The following GRIK2 variants were observed in gnomAD, a reference collection of about 807,000 sequenced individuals.
GRIK2 encodes glutamate ionotropic receptor kainate type subunit 2.
Under a neutral mutation model 100.3 loss-of-function variants are expected in GRIK2, and 32 were observed. The ratio of observed to expected loss-of-function variants is 0.32; its 90% CI spans 0.24 to 0.43. GRIK2 has a LOEUF of 0.43. GRIK2 is among the 20% of genes least tolerant of loss of function. The probability of loss-of-function intolerance (pLI) is 1.00; values close to 1 mark genes in which losing one functional copy is unlikely to be tolerated. For missense variants in GRIK2, 843 were observed against 1,114.9 expected, an observed-to-expected ratio of 0.76 and a Z score of 3.47; for synonymous variants, 417 against 389.4, an observed-to-expected ratio of 1.07 and a Z score of -0.83.
intron 10 of GRIK2, among the ~76,000 whole-genome samples, chr6:101,834,175 A>G (rs1328802522): frequency 6.6e-6 from 1 of 152,044 alleles, no homozygotes; most frequent in East Asian, 1.9e-4. Flanking sequence ...AAATTTTATA[A>G]TCTCAATTTA....
chr6:101,807,241 G>A (rs1781061392), intron 9 of GRIK2, among the ~76,000 whole-genome samples: 1 of 151,800 alleles, frequency 6.6e-6, no homozygotes, highest in Admixed American at 6.6e-5. Flanking sequence ...GTTTCAAGTG[G>A]GTAAAGGATT....
chr6:102,043,570 G>T (rs1770713873), intron 15 of GRIK2, among the ~76,000 whole-genome samples: 1 of 151,848 alleles, frequency 6.6e-6, no homozygotes, highest in South Asian at 2.1e-4. Flanking sequence ...CATCTAGGTT[G>T]TCGCAAATGA....
chr6:101,983,866 G>A (rs1793863095), intron 14 of GRIK2, among the ~76,000 whole-genome samples: 1 of 151,416 alleles, frequency 6.6e-6, no homozygotes, highest in African/African-American at 2.4e-5. Context: ...TTCATACACT[G>A]GTCTTTACTT....
chr6:101,498,544 T>G (rs1773573749), intron 2 of GRIK2, among the ~76,000 whole-genome samples: 1 of 150,136 alleles, frequency 6.7e-6, no homozygotes, highest in South Asian at 2.2e-4. Context: ...TTCCTGACTT[T>G]TGAATGCTTG....
intron 9 of GRIK2, among the ~76,000 whole-genome samples, chr6:101,806,318 A>G (rs1243217300): frequency 6.6e-6 from 1 of 152,050 alleles, no homozygotes; most frequent in Non-Finnish European, 1.5e-5. Flanking sequence ...AGTGTATTCT[A>G]CTTTCAAAAT....
chr6:101,781,963 G>A (rs574159922), intron 7 of GRIK2, among the ~76,000 whole-genome samples: 2 of 152,032 alleles, frequency 1.3e-5, no homozygotes, highest in African/African-American at 2.4e-5. Flanking sequence ...CCAACTTCTC[G>A]TTCCATCTTC....
intron 9 of GRIK2, among the ~76,000 whole-genome samples, chr6:101,804,988 C>G (rs1780899770): frequency 6.6e-6 from 1 of 151,876 alleles, no homozygotes; most frequent in African/African-American, 2.4e-5. Context: ...TATTTTGGCT[C>G]AAATTCTCAC....
intron 7 of GRIK2, among the ~76,000 whole-genome samples, chr6:101,750,816 A>T (rs1776740444): frequency 6.6e-6 from 1 of 152,180 alleles, no homozygotes; most frequent in African/African-American, 2.4e-5. Flanking sequence ...GAGGAATAAT[A>T]GACTTTCCAT....
At chr6:101,540,685 G>T (rs1775943461) in intron 2 of GRIK2, among the ~76,000 whole-genome samples, 3 of 151,984 alleles carry the variant, frequency 2.0e-5, no homozygotes, top group Non-Finnish European at 4.4e-5. Flanking sequence ...TATTCAAGCA[G>T]TTCTAGTTAT....
At chr6:101,411,792 T>C (rs182611573) in intron 2 of GRIK2, among the ~76,000 whole-genome samples, 7 of 152,204 alleles carry the variant, frequency 4.6e-5, no homozygotes, top group Admixed American at 2.0e-4. Context: ...AGAATATTTA[T>C]ATCCACACAA....
intron 2 of GRIK2, among the ~76,000 whole-genome samples, chr6:101,507,329 A>T (rs925422789): frequency 3.9e-5 from 6 of 152,128 alleles, no homozygotes; most frequent in Admixed American, 3.9e-4. Context: ...TAGTTTGGGT[A>T]TTGCCTTAGA....
chr6:101,709,052 C>G (rs576059971), intron 7 of GRIK2, among the ~76,000 whole-genome samples: 1 of 151,550 alleles, frequency 6.6e-6, no homozygotes, highest in Admixed American at 6.6e-5. Flanking sequence ...TAAATATTAA[C>G]GATAATTTAA....
intron 9 of GRIK2, among the ~76,000 whole-genome samples, chr6:101,814,042 G>A (rs12333317): frequency 0.072 from 10,997 of 151,852 alleles, 415 homozygotes; most frequent in African/African-American, 0.094. Flanking sequence ...GATAATTTTC[G>A]TAGAGTAGAT....
chr6:101,836,659 ATATT>A (rs1484748247), intron 10 of GRIK2, among the ~76,000 whole-genome samples: 96 of 60,206 alleles, frequency 1.6e-3, no homozygotes, highest in African/African-American at 4.3e-3. Context: ...ATATATATAT[ATATT>A]TTTTTTTTTT....
intron 14 of GRIK2, among the ~76,000 whole-genome samples, chr6:101,945,910 G>GTTTTTTTTTTTTTTTTTTTTTTTTT: frequency 7.6e-6 from 1 of 131,432 alleles, no homozygotes; most frequent in South Asian, 2.4e-4. Flanking sequence ...TCTATCTACT[G>GTTTTTTTTTTTTTTTTTTTTTTTTT]TTTTTTTTTT....
At chr6:101,924,998 T>A (rs541029730) in intron 13 of GRIK2, among the ~76,000 whole-genome samples, 1 of 152,316 alleles carries the variant, frequency 6.6e-6, no homozygotes, top group South Asian at 2.1e-4. Flanking sequence ...CAAGCTAACC[T>A]GATCATTAGC....
At chr6:102,008,019 A>G (rs1301513844) in intron 14 of GRIK2, among the ~76,000 whole-genome samples, 3 of 152,022 alleles carry the variant, frequency 2.0e-5, no homozygotes, top group Admixed American at 6.6e-5. Context: ...AAGAAAATCA[A>G]AAGTTAGAAG....
chr6:101,544,809 A>T (rs1030786054), intron 2 of GRIK2, among the ~76,000 whole-genome samples: 1 of 152,196 alleles, frequency 6.6e-6, no homozygotes, highest in Non-Finnish European at 1.5e-5. Flanking sequence ...GTTCAAGGTC[A>T]TCCAATAAGG....
chr6:101,931,023 G>T (rs2128472495), intron 14 of GRIK2, among the ~76,000 whole-genome samples: 2 of 152,136 alleles, frequency 1.3e-5, no homozygotes, highest in Middle Eastern at 6.8e-3. Flanking sequence ...ATTATCACAT[G>T]CTGAGTTCTA....
Sources: allele counts gnomAD v4.1 joint callset (sites outside exome capture counted in the v4.1 genomes callset), GRCh38; gene constraint gnomAD v4.1.1; transcripts MANE v1.5; gene names NCBI Gene and HGNC (gene_info 2026-07-23, HGNC 2026-07-21).